The following GLT1D1 variants were observed in gnomAD, a reference collection of about 807,000 sequenced individuals.
The protein encoded by GLT1D1 is glycosyltransferase 1 domain-containing protein 1.
In GLT1D1, 21 loss-of-function variants were observed where a neutral mutation model predicts 28.7. That is an observed-to-expected ratio of 0.73 (90% CI 0.52 to 1.05). The LOEUF (loss-of-function observed/expected upper bound fraction) is 1.05, where lower values mean the gene tolerates loss of function less well. GLT1D1 is among the 50% of genes least tolerant of loss of function. GLT1D1 has a pLI of 0.00. For synonymous variants in GLT1D1, 147 were observed against 124.8 expected, an observed-to-expected ratio of 1.18 and a Z score of -1.19; for missense variants, 343 against 330.6, an observed-to-expected ratio of 1.04 and a Z score of -0.29.
intron 7 of GLT1D1, among the ~76,000 whole-genome samples, chr12:128,958,796 G>T: frequency 7.7e-6 from 1 of 130,514 alleles, no homozygotes; most frequent in Non-Finnish European, 1.6e-5. Flanking sequence ...TTGTCACTAC[G>T]TATGCCTCTT....
intron 7 of GLT1D1, among the ~76,000 whole-genome samples, chr12:128,966,200 A>ATTCC (rs1180936075): frequency 6.6e-6 from 1 of 152,180 alleles, no homozygotes; most frequent in Non-Finnish European, 1.5e-5. Flanking sequence ...AGAGAAGGAG[A>ATTCC]CAGCAGAATG....
intron 4 of GLT1D1, among the ~76,000 whole-genome samples, chr12:128,928,955 A>G (rs762425828): frequency 2.5e-4 from 38 of 152,178 alleles, no homozygotes; most frequent in Admixed American, 7.9e-4. Context: ...GGTTGCTGCT[A>G]TGGCCTGAGT....
At chr12:128,899,148 T>C in intron 3 of GLT1D1, 88 bp from the exon 4 acceptor site, 1 of 922,512 alleles carries the variant, frequency 1.1e-6, no homozygotes, top group South Asian at 1.3e-5. Flanking sequence ...TCACGTTGTC[T>C]CTCATAATTT....
At chr12:128,900,726 C>G (rs145891816) in intron 4 of GLT1D1, among the ~76,000 whole-genome samples, 3 of 152,128 alleles carry the variant, frequency 2.0e-5, no homozygotes, top group African/African-American at 7.2e-5. Context: ...ACCTCTGCCC[C>G]CCAGGTTCAA....
At chr12:128,976,458 A>G (rs1464017065) in intron 7 of GLT1D1, among the ~76,000 whole-genome samples, 1 of 152,190 alleles carries the variant, frequency 6.6e-6, no homozygotes, top group East Asian at 1.9e-4. Flanking sequence ...CAACCAGAAA[A>G]GCCCGAGGAA....
intron 4 of GLT1D1, among the ~76,000 whole-genome samples, chr12:128,920,328 G>A (rs1266341145): frequency 3.9e-5 from 6 of 152,142 alleles, no homozygotes; most frequent in Admixed American, 1.3e-4. Flanking sequence ...CCGAGGCAGC[G>A]GATCACTTGA....
At chr12:128,982,826 C>T (rs1593226264) in intron 7 of GLT1D1, 103 bp from the exon 12 acceptor site, 7 of 1,046,390 alleles carry the variant, frequency 6.7e-6, no homozygotes, top group Non-Finnish European at 1.0e-5. Context: ...AGGAGGCAGA[C>T]AAGGGCAAGG....
chr12:128,942,739 G>GTTTTTTTTT (rs199567989), intron 4 of GLT1D1, among the ~76,000 whole-genome samples: 17 of 102,512 alleles, frequency 1.7e-4, no homozygotes, highest in Non-Finnish European at 2.0e-4. Context: ...TTCTTTGTTT[G>GTTTTTTTTT]TTTGTTTTTG....
intron 4 of GLT1D1, among the ~76,000 whole-genome samples, chr12:128,920,169 C>A (rs1872537203): frequency 1.3e-5 from 2 of 152,146 alleles, no homozygotes; most frequent in South Asian, 4.1e-4. Context: ...TGCATAGCCC[C>A]CAAATCAGCT....
At chr12:128,860,437 G>A (rs891019998) in intron 1 of GLT1D1, among the ~76,000 whole-genome samples, 1 of 152,198 alleles carries the variant, frequency 6.6e-6, no homozygotes, top group Non-Finnish European at 1.5e-5. Context: ...CTCCAGCCTG[G>A]GTGACAGAGT....
chr12:128,926,552 A>T (rs1012917069), intron 4 of GLT1D1, 98 bp downstream of exon 7: 2 of 649,474 alleles, frequency 3.1e-6, no homozygotes, highest in Admixed American at 2.5e-5. Flanking sequence ...TTCTTTCCTC[A>T]TTCTTTGCAC....
chr12:128,948,874 A>G (rs766179379), intron 6 of GLT1D1, among the ~76,000 whole-genome samples: 2 of 152,064 alleles, frequency 1.3e-5, no homozygotes, highest in East Asian at 3.9e-4. Flanking sequence ...GAAAAAAAAG[A>G]CCCCAAAGAA....
intron 3 of GLT1D1, among the ~76,000 whole-genome samples, chr12:128,893,372 G>A (rs1869285688): frequency 6.6e-6 from 1 of 152,086 alleles, no homozygotes; most frequent in African/African-American, 2.4e-5. Flanking sequence ...GGTTAAACGA[G>A]GTGAATTTGC....
At chr12:128,959,452 G>C (rs112032584) in intron 7 of GLT1D1, among the ~76,000 whole-genome samples, 5,121 of 112,314 alleles carry the variant, frequency 0.046, 597 homozygotes, top group African/African-American at 0.17. Flanking sequence ...GGTGGGGAAC[G>C]GCGGGTGGTG....
chr12:128,960,983 T>G (rs1877884313), intron 7 of GLT1D1, among the ~76,000 whole-genome samples: 1 of 152,204 alleles, frequency 6.6e-6, no homozygotes, highest in South Asian at 2.1e-4. Context: ...TATAAAAAGA[T>G]GAAGTTCAAC....
At chr12:128,939,077 C>T (rs1259913950) in intron 4 of GLT1D1, among the ~76,000 whole-genome samples, 1 of 152,064 alleles carries the variant, frequency 6.6e-6, no homozygotes, top group Non-Finnish European at 1.5e-5. Context: ...GAGATCATTG[C>T]ACAAGACGAG....
At chr12:128,899,524 T>A (rs1308197888) in intron 4 of GLT1D1, among the ~76,000 whole-genome samples, 1 of 150,456 alleles carries the variant, frequency 6.6e-6, no homozygotes, top group African/African-American at 2.4e-5. Flanking sequence ...TGGTTGTATG[T>A]TGTTGTTGTT....
intron 4 of GLT1D1, among the ~76,000 whole-genome samples, chr12:128,910,981 G>A (rs1871457067): frequency 6.6e-6 from 1 of 152,096 alleles, no homozygotes; most frequent in South Asian, 2.1e-4. Flanking sequence ...TTAGTCTGGA[G>A]TGCAGTGGCG....
intron 4 of GLT1D1, among the ~76,000 whole-genome samples, chr12:128,933,013 T>C (rs1874097590): frequency 6.6e-6 from 1 of 152,234 alleles, no homozygotes; most frequent in South Asian, 2.1e-4. Context: ...CACTGAAGCC[T>C]CACAGCGTGG....
Sources: gnomAD v4.1 joint callset for allele counts (sites outside exome capture counted in the v4.1 genomes callset) on GRCh38, gnomAD v4.1.1 for gene constraint, MANE v1.5 for transcripts, NCBI Gene and HGNC (gene_info 2026-07-23, HGNC 2026-07-21) for gene names.